The following TCTN2 variants were observed in gnomAD, a reference collection of about 807,000 sequenced individuals.
TCTN2 encodes the protein tectonic family member 2, also known as tectonic-2.
In TCTN2, 66 loss-of-function variants were observed where a neutral mutation model predicts 83.4. The ratio of observed to expected loss-of-function variants is 0.79; its 90% CI spans 0.65 to 0.97. The LOEUF (loss-of-function observed/expected upper bound fraction) is 0.97. Among genes scored for constraint, TCTN2 ranks in the 50% least tolerant of loss-of-function variants. The probability of loss-of-function intolerance (pLI) is 0.00; values close to 1 mark genes in which losing one functional copy is unlikely to be tolerated. For synonymous variants in TCTN2, 301 were observed against 326.7 expected, an observed-to-expected ratio of 0.92 and a Z score of 0.85; for missense variants, 794 against 858.1, an observed-to-expected ratio of 0.93 and a Z score of 0.93.
At chr12:123,692,803 G>A (rs1956059543) in intron 9 of TCTN2, 80 bp downstream of exon 9, 1 of 1,110,550 alleles carries the variant, frequency 9.0e-7, no homozygotes, top group Non-Finnish European at 1.4e-6. Flanking sequence ...CCCTCAGAGT[G>A]TATATTTTTG....
intron 4 of TCTN2, among the ~76,000 whole-genome samples, chr12:123,677,691 C>T (rs531986803): frequency 3.9e-5 from 6 of 152,292 alleles, no homozygotes; most frequent in African/African-American, 9.6e-5. Context: ...GTCCCATTCA[C>T]GCCCGCCACC....
chr12:123,702,958 G>A (rs1465829584), intron 14 of TCTN2, among the ~76,000 whole-genome samples: 1 of 152,114 alleles, frequency 6.6e-6, no homozygotes, highest in Non-Finnish European at 1.5e-5. Context: ...ATCCCTGAAG[G>A]AGCAAAGAAC....
intron 8 of TCTN2, among the ~76,000 whole-genome samples, chr12:123,691,667 G>A (rs918310851): frequency 3.3e-5 from 5 of 151,970 alleles, no homozygotes; most frequent in Admixed American, 6.6e-5. Context: ...AGACACCTAG[G>A]AGTGGAACTG....
In TCTN2 at chr12:123,686,844, A is replaced by G. The variant is rs774361993; in HGVS notation, c.573A>G (p.Ser191=). 7 of 1,614,206 alleles carry G rather than the reference A, an allele frequency of 4.3e-6. No individual in the cohort carries two copies. Among genetic ancestry groups the G allele is most frequent in the Admixed American group, 1.7e-5 (1 of 60,010 alleles). The change falls in exon 6 of 18, where the codon TCA becomes TCG. Residue 191 remains serine (S), a synonymous_variant. Transcript: ENST00000303372. ...DVRCCCDQEC[S]SNLTTLFRRS... ...TTATGTTTGTCTTCCAGGAATGCTC[A>G]TCAAATTTAACAACGCTGTTCAGAC...
chr12:123,674,891 A>C (rs1044657026), intron 4 of TCTN2, among the ~76,000 whole-genome samples: 38 of 152,002 alleles, frequency 2.5e-4, no homozygotes, highest in African/African-American at 8.2e-4. Context: ...TTTTTTTTAG[A>C]GACACGGTCT....
intron 5 of TCTN2, among the ~76,000 whole-genome samples, chr12:123,681,406 A>G (rs964843213): frequency 1.3e-5 from 2 of 152,088 alleles, no homozygotes; most frequent in African/African-American, 2.4e-5. Flanking sequence ...TCCTATCTCC[A>G]TCCCTCATCC....
At chr12:123,678,998 C>T (rs928003540) in intron 4 of TCTN2, among the ~76,000 whole-genome samples, 191 bp from the exon 5 acceptor site, 7 of 151,820 alleles carry the variant, frequency 4.6e-5, no homozygotes, top group Admixed American at 6.6e-5. Flanking sequence ...CGGGTTTCAC[C>T]GTGTTAGCCA....
At chr12:123,692,041 C>T (rs969827541) in intron 8 of TCTN2, among the ~76,000 whole-genome samples, 9 of 152,050 alleles carry the variant, frequency 5.9e-5, no homozygotes, top group Non-Finnish European at 1.2e-4. Context: ...ATTACAGGCA[C>T]CCACCACCAC....
rs117448524 is a variant in TCTN2 at position 123,683,832 on chromosome 12, G to T, written c.565-3004G>T. Reference sequence around the variant, plus strand: ...TTTTTGTATTTTGTTGTAGAGATGGGGTTTCACCGTATTAACTAGGGTGGT... The same window carrying T: ...TTTTTGTATTTTGTTGTAGAGATGGTGTTTCACCGTATTAACTAGGGTGGT... On this transcript the variant is annotated intron_variant, in intron 5 of 17. Coordinates refer to ENST00000303372, the MANE Select transcript of TCTN2 (RefSeq NM_024809.5). Among the ~76,000 whole-genome samples the T allele has an allele frequency of 2.7e-3, 417 of 152,204 alleles. 1 individual carries two copies. Among genetic ancestry groups the T allele is most frequent in the Non-Finnish European group, 5.0e-3 (338 of 68,028 alleles).
intron 17 of TCTN2, 173 bp downstream of exon 17, chr12:123,707,246 T>C (rs1009318353): frequency 9.0e-6 from 6 of 666,352 alleles, no homozygotes; most frequent in Admixed American, 2.7e-5. Flanking sequence ...AGTTTATTTC[T>C]ACCTACACTG....
intron 13 of TCTN2, among the ~76,000 whole-genome samples, chr12:123,697,966 G>C (rs771254372): frequency 3.3e-5 from 5 of 151,624 alleles, no homozygotes; most frequent in African/African-American, 9.7e-5. Flanking sequence ...GGCTCAGGTG[G>C]TCCTCCACCT....
intron 13 of TCTN2, 64 bp downstream of exon 13, chr12:123,697,262 A>G (rs1033566702): frequency 7.8e-6 from 9 of 1,155,802 alleles, no homozygotes; most frequent in East Asian, 4.7e-5. Flanking sequence ...AATTCACTAC[A>G]TGAATATCAA....
At chr12:123,694,757 G>A (rs921919256) in intron 9 of TCTN2, 85 bp from the exon 10 acceptor site, 2 of 1,496,950 alleles carry the variant, frequency 1.3e-6, no homozygotes, top group Middle Eastern at 1.8e-4. Context: ...CTTGGGGAAG[G>A]CCACGCAAGC....
rs751967472 is a variant in TCTN2, at chr12:123,706,737, T to C, written c.1781T>C (p.Val594Ala). 3.2e-5 allele frequency: 51 copies of C among 1,614,044 alleles called. No homozygotes were observed. The highest frequency in any genetic ancestry group is 4.3e-5 in the Non-Finnish European group (51 of 1,180,042). The change falls in exon 16 of 18, where the codon GTG becomes GCG. Residue 594 changes from valine (V) to alanine (A), a missense_variant. Val to Ala is a moderately conservative substitution (Grantham distance 64). Transcript: ENST00000303372. The part of the protein sequence containing the change: ...ILGVETRFSS[V>A]NWQYQCGLTC... ...TCTTTCCCTCCTAGGTTCTCCTCAG[T>C]GAACTGGCAGTACCAGTGTGGGCTT...
chr12:123,672,145 G>A lies in TCTN2; in HGVS notation c.267+13G>A, dbSNP rs1159630747. 6.2e-7 allele frequency: 1 copy of A among 1,613,442 alleles called. No homozygotes were observed. Among genetic ancestry groups the A allele is most frequent in the Admixed American group, 1.7e-5 (1 of 60,016 alleles). Reference sequence around the variant, plus strand: ...GATCCCCGGTGCGGTAAGGCCAGAAGTAAACCTTCTCTGTAGCCTGTGAAG... The same window carrying A: ...GATCCCCGGTGCGGTAAGGCCAGAAATAAACCTTCTCTGTAGCCTGTGAAG... On this transcript the variant is annotated intron_variant, in intron 3 of 17. Coordinates refer to ENST00000303372, the MANE Select transcript of TCTN2 (RefSeq NM_024809.5).
chr12:123,682,070 A>G (rs570029513), intron 5 of TCTN2, among the ~76,000 whole-genome samples: 1 of 152,280 alleles, frequency 6.6e-6, no homozygotes, highest in East Asian at 1.9e-4. Context: ...TCCCAGACTC[A>G]AGTGATCCTC....
At position 123,686,787 on chromosome 12, in the gene TCTN2, G is replaced by A. The variant is rs186865722; in HGVS notation, c.565-49G>A. 47 of 1,592,894 alleles carry A rather than the reference G, an allele frequency of 3.0e-5. No homozygotes were observed. The African/African-American group carries it at 5.6e-4, about 19-fold the overall frequency. On this transcript the variant is annotated intron_variant, in intron 5 of 17. Coordinates refer to ENST00000303372, the MANE Select transcript of TCTN2 (RefSeq NM_024809.5). ...GAGTTAGCATTCGCTACGCTTGCCA[G>A]GAGATCCTGACCACGGTCACAGCTC...
chr12:123,692,678 A>C lies in TCTN2; in HGVS notation c.1054A>C (p.Ile352Leu). Residue 352 changes from isoleucine to leucine, a missense_variant, in exon 9 of 18, where the codon ATC becomes CTC. Transcript: ENST00000303372. Reference protein sequence around the residue: ...ALGGIVTPKVIYEEATDLDKF... With the variant: ...ALGGIVTPKVLYEEATDLDKF... ...TTTAGGCATAGTTACACCAAAAGTGATCTATGAGGAAGCAACTGACCTAGA... is the reference window on the plus strand; with the variant it reads ...TTTAGGCATAGTTACACCAAAAGTGCTCTATGAGGAAGCAACTGACCTAGA... 1 of 1,613,700 alleles carries C rather than the reference A, an allele frequency of 6.2e-7. No individual in the cohort carries two copies. Among genetic ancestry groups the C allele is most frequent in the Non-Finnish European group, 8.5e-7 (1 of 1,179,618 alleles).
chr12:123,677,796 T>TCC (rs1955842385), intron 4 of TCTN2, among the ~76,000 whole-genome samples: 1 of 151,818 alleles, frequency 6.6e-6, no homozygotes, highest in Non-Finnish European at 1.5e-5. Flanking sequence ...TACAAACTCT[T>TCC]TCTTTTTTTT....
Sources: allele counts gnomAD v4.1 joint callset (sites outside exome capture counted in the v4.1 genomes callset), GRCh38; gene constraint gnomAD v4.1.1; transcripts MANE v1.5; gene names NCBI Gene and HGNC (gene_info 2026-07-23, HGNC 2026-07-21).